SP2: variants seen among roughly 807,000 people sequenced by gnomAD.
The protein encoded by SP2 is Sp2 transcription factor.
In SP2, 9 loss-of-function variants were observed where a neutral mutation model predicts 50.1. The ratio of observed to expected loss-of-function variants is 0.18; its 90% CI spans 0.11 to 0.31. SP2 has a LOEUF of 0.31. SP2 is among the 10% of genes least tolerant of loss of function. The pLI, the probability that SP2 is intolerant of heterozygous loss-of-function variation, is 1.00. For synonymous variants in SP2, 313 were observed against 326.6 expected (o/e 0.96, Z 0.45); for missense variants, 581 against 806.5 (o/e 0.72, Z 3.39).
intron 3 of SP2, among the ~76,000 whole-genome samples, chr17:47,919,571 G>T (rs2035352058): frequency 6.6e-6 from 1 of 152,000 alleles, no homozygotes; most frequent in South Asian, 2.1e-4. Context: ...TCATTTGAGT[G>T]TAAATTGCCA....
intron 1 of SP2, chr17:47,914,984 G>T (rs2035130753): frequency 5.7e-6 from 1 of 175,446 alleles, no homozygotes; most frequent in East Asian, 1.5e-4. Flanking sequence ...AAGCCAAGGC[G>T]GGTGGATCAC....
Position 47,904,038 on chromosome 17 carries a change from G to A in SP2, c.7+7745G>A, listed in dbSNP as rs148892274. Among the ~76,000 whole-genome samples, 433 of 151,894 alleles carry A rather than the reference G, an allele frequency of 2.9e-3. 1 individual carries two copies. The highest frequency in any genetic ancestry group is 0.01 in the African/African-American group (416 of 41,406). ...AGCACTTTGGGAGGCTGAGACTGGCGGATCACGAGGTCAGGAGATCGAGAC... is the reference window on the plus strand; with the variant it reads ...AGCACTTTGGGAGGCTGAGACTGGCAGATCACGAGGTCAGGAGATCGAGAC... On this transcript the variant is annotated intron_variant, in intron 1 of 6. Coordinates refer to ENST00000376741, the MANE Select transcript of SP2 (RefSeq NM_003110.6).
At position 47,916,062 on chromosome 17, in the gene SP2, C is replaced by T. The variant is rs545638905; in HGVS notation, c.85-94C>T. 9 of 1,446,622 alleles carry T rather than the reference C, an allele frequency of 6.2e-6. No individual in the cohort carries two copies. The highest frequency in any genetic ancestry group is 5.7e-5 in the African/African-American group (4 of 70,690). The allele number at this position is 1,446,622 out of a possible 1,614,324, so 89.6% of individuals were successfully genotyped here. On this transcript the variant is annotated intron_variant, in intron 2 of 6. Transcript: ENST00000376741. This position sits in a 1 kb window ranked among gnomAD's most constrained non-coding sequence, Gnocchi z 4.7. ...CTGCCCCGGAGGTGGGGAAGACTGG[C>T]GTGGAATGCCGCCAGGAGGAGAGGA...
intron 6 of SP2, among the ~76,000 whole-genome samples, chr17:47,926,211 C>T (rs545344141): frequency 2.0e-5 from 3 of 151,960 alleles, no homozygotes; most frequent in South Asian, 2.1e-4. Context: ...GCCACTGCGC[C>T]GGCCTGTTGA....
Position 47,916,362 on chromosome 17 carries a change from G to A in SP2, c.291G>A (p.Gln97=), listed in dbSNP as rs534718269. The A allele has an allele frequency of 5.0e-6, 8 of 1,614,122 alleles. No homozygotes were observed. The South Asian group carries it at 7.7e-5, about 16-fold the overall frequency. Residue 97 remains glutamine (Q), a synonymous_variant, in exon 3 of 7, where the codon CAG becomes CAA. Transcript: ENST00000376741. The surrounding 1 kb of genome is among the most constrained non-coding windows in gnomAD (Gnocchi z 4.7). ...CCAAAGGAAATATACTTCAGATTCA[G>A]GGGTCACAACTGAGCGCCTCCTATC... ...LSSKGNILQI[Q]GSQLSASYPG...
intron 1 of SP2, among the ~76,000 whole-genome samples, chr17:47,901,908 A>G (rs920927801): frequency 6.6e-6 from 1 of 152,250 alleles, no homozygotes; most frequent in Admixed American, 6.5e-5. Context: ...GGACTGGGAT[A>G]CATCAGTGAG....
In SP2 at chr17:47,928,569, T is replaced by C. The variant is rs1276300799; in HGVS notation, c.*745T>C. On this transcript the variant is annotated 3_prime_UTR_variant, in exon 7 of 7. Coordinates refer to ENST00000376741, the MANE Select transcript of SP2 (RefSeq NM_003110.6). ...TTGGGGGCAATGATGAGCATATGAA[T>C]TTTTTCTCACTCTAGCAATTCCCTT... The C allele has an allele frequency of 6.6e-6, 1 of 152,598 alleles. No individual in the cohort carries two copies. The highest frequency in any genetic ancestry group is 1.9e-4 in the East Asian group (1 of 5,188). The allele number at this position is 152,598 out of a possible 1,614,324, so 9.5% of individuals were successfully genotyped here. A position where few individuals can be genotyped will look rare whatever the true frequency, so the allele number is the denominator to read the frequency against.
At chr17:47,930,420 A>G (rs2035795210), downstream of SP2, among the ~76,000 whole-genome samples, 1 of 152,096 alleles carries the variant, frequency 6.6e-6, no homozygotes, top group African/African-American at 2.4e-5. Flanking sequence ...ATCATTTGGA[A>G]ATGAAGGTGC....
At chr17:47,902,144 A>C (rs577393566) in intron 1 of SP2, among the ~76,000 whole-genome samples, 2 of 152,174 alleles carry the variant, frequency 1.3e-5, no homozygotes, top group East Asian at 1.9e-4. Flanking sequence ...GCCTTTTTCT[A>C]TCTGGGGTGA....
chr17:47,912,189 T>C (rs2035018288), intron 1 of SP2, among the ~76,000 whole-genome samples: 1 of 152,216 alleles, frequency 6.6e-6, no homozygotes, highest in Admixed American at 6.5e-5. Flanking sequence ...CTTTCCTCAG[T>C]AGTTAACAGT....
chr17:47,905,734 C>T (rs748742982), intron 1 of SP2, among the ~76,000 whole-genome samples: 5 of 152,124 alleles, frequency 3.3e-5, no homozygotes, highest in Admixed American at 2.6e-4. Flanking sequence ...GGGACAGTGC[C>T]GAAGGGTGCC....
chr17:47,919,427 T>C (rs367592238), intron 3 of SP2, among the ~76,000 whole-genome samples: 1 of 152,080 alleles, frequency 6.6e-6, no homozygotes, highest in Non-Finnish European at 1.5e-5. Flanking sequence ...AAAAAATTTT[T>C]TTTAAAGAGA....
chr17:47,919,862 C>T (rs1465943998), intron 3 of SP2, among the ~76,000 whole-genome samples: 25 of 54,752 alleles, frequency 4.6e-4, no homozygotes, highest in Non-Finnish European at 8.9e-4. Flanking sequence ...TTTTTTGAGA[C>T]AGGGTCTCGT....
chr17:47,915,221 A>C (rs2035145576), intron 1 of SP2, 91 bp from the exon 2 acceptor site: 2 of 965,568 alleles, frequency 2.1e-6, no homozygotes, highest in Non-Finnish European at 3.1e-6. Context: ...TCTCAAAAAA[A>C]AAAAAATAGA....
chr17:47,904,757 GT>G (rs1040088390), intron 1 of SP2, among the ~76,000 whole-genome samples: 1 of 151,910 alleles, frequency 6.6e-6, no homozygotes, highest in African/African-American at 2.4e-5. Context: ...TAATTTATTT[GT>G]TTATTTAAAA....
Position 47,915,386 on chromosome 17 carries a change from C to T in SP2, c.82C>T (p.Gln28Ter). 6.2e-7 allele frequency: 1 copy of T among 1,611,702 alleles called. No homozygotes were observed. Among genetic ancestry groups the T allele is most frequent in the Non-Finnish European group, 8.5e-7 (1 of 1,178,386 alleles). Residue 28 changes from glutamine (Q) to a stop codon, truncating the protein, a stop_gained and splice_region_variant, in exon 2 of 7, where the codon CAG (glutamine) becomes TAG (stop). Transcript: ENST00000376741. LOFTEE classifies it high-confidence loss of function. The part of the protein sequence containing the change: ...DYLQPAASTT[Q>*]DSQPSPLALL... The stretch of plus-strand genomic sequence containing the variant: ...CCTGCAGCCTGCCGCCTCCACCACC[C>T]AGGCGAGTAGGCAGTGGGCTCCGAG...
chr17:47,913,652 C>T (rs983103784), intron 1 of SP2, among the ~76,000 whole-genome samples: 8 of 152,146 alleles, frequency 5.3e-5, no homozygotes, highest in African/African-American at 1.9e-4. Context: ...AAGCGATCTT[C>T]CCACCTCGGC....
chr17:47,898,029 A>T, intron 1 of SP2: 1 of 235,344 alleles, frequency 4.2e-6, no homozygotes, highest in Non-Finnish European at 6.9e-6. Context: ...CATAATTATG[A>T]ACCCCCCTGA....
At chr17:47,924,878 G>A in intron 4 of SP2, 41 bp from the exon 5 acceptor site, 3 of 1,528,248 alleles carry the variant, frequency 2.0e-6, no homozygotes, top group Admixed American at 2.1e-5. Context: ...CGAGGTTTCA[G>A]GCTTCCTCAC....
Sources: allele counts gnomAD v4.1 joint callset (sites outside exome capture counted in the v4.1 genomes callset), GRCh38; gene constraint gnomAD v4.1.1; non-coding constraint Gnocchi (gnomAD v3.1); transcripts MANE v1.5; gene names NCBI Gene and HGNC (gene_info 2026-07-23, HGNC 2026-07-21).